Variants in RAP1A observed in about 807,000 individuals in gnomAD.
RAP1A encodes the protein RAP1A, member of RAS oncogene family, also known as ras-related protein Rap-1A.
A neutral mutation model predicts 26.4 loss-of-function variants in RAP1A; 6 were observed. The ratio of observed to expected loss-of-function variants is 0.23; its 90% CI spans 0.12 to 0.45. RAP1A has a LOEUF of 0.45. RAP1A is among the 20% of genes least tolerant of loss of function. The probability of loss-of-function intolerance (pLI) is 0.99; values close to 1 mark genes in which losing one functional copy is unlikely to be tolerated. For synonymous variants in RAP1A, 73 were observed against 79.4 expected (o/e 0.92, Z 0.43); for missense variants, 121 against 217.2 (o/e 0.56, Z 2.78).
In RAP1A at chr1:111,716,626, T is replaced by C. The variant is rs375221628; in HGVS notation, c.*4225T>C. The C allele has an allele frequency of 5.3e-5, 8 of 152,344 alleles. 1 individual carries two copies. In the East Asian group the frequency reaches 1.2e-3, roughly 22 times the overall value. 9.4% of individuals were successfully genotyped at this position (152,344 alleles called of 1,614,324 possible). A position where few individuals can be genotyped will look rare whatever the true frequency, so the allele number is the denominator to read the frequency against. On this transcript the variant is annotated 3_prime_UTR_variant, in exon 8 of 8. Transcript: ENST00000369709. ...ACATACATTTCCCACTAATTGCTTCTCTCAAGAAGCAAGAGATTGGCTGTT... is the reference window on the plus strand; with the variant it reads ...ACATACATTTCCCACTAATTGCTTCCCTCAAGAAGCAAGAGATTGGCTGTT...
At chr1:111,568,623 G>GTAGCCTAATA (rs1553209503) in intron 1 of RAP1A, among the ~76,000 whole-genome samples, 2 of 152,118 alleles carry the variant, frequency 1.3e-5, no homozygotes, top group African/African-American at 4.8e-5. Context: ...CATTAGGGAG[G>GTAGCCTAATA]TAGCCTAATA....
chr1:111,613,403 G>A (rs1285989971), intron 1 of RAP1A, among the ~76,000 whole-genome samples: 1 of 152,098 alleles, frequency 6.6e-6, no homozygotes, highest in Non-Finnish European at 1.5e-5. Context: ...GTTTCACCGT[G>A]TTAGCTAGGA....
chr1:111,662,314 G>A (rs1458121753), intron 1 of RAP1A, among the ~76,000 whole-genome samples: 1 of 149,852 alleles, frequency 6.7e-6, no homozygotes, highest in African/African-American at 2.5e-5. Flanking sequence ...AGAATGGCGT[G>A]AATCCGGGAG....
At chr1:111,586,217 A>T (rs577610346) in intron 1 of RAP1A, among the ~76,000 whole-genome samples, 1 of 152,224 alleles carries the variant, frequency 6.6e-6, no homozygotes, top group Non-Finnish European at 1.5e-5. Context: ...AATTTAAACA[A>T]CAAGTAAGCT....
intron 1 of RAP1A, among the ~76,000 whole-genome samples, chr1:111,548,852 T>C (rs1193466225): frequency 6.6e-6 from 1 of 152,246 alleles, no homozygotes; most frequent in African/African-American, 2.4e-5. Flanking sequence ...TGTTCTTGCT[T>C]CAATTTTAAC....
intron 1 of RAP1A, among the ~76,000 whole-genome samples, chr1:111,559,085 G>T (rs1224945718): frequency 6.6e-6 from 1 of 152,026 alleles, no homozygotes; most frequent in African/African-American, 2.4e-5. Flanking sequence ...TAAAAAACAT[G>T]TATTTAAACT....
At chr1:111,698,712 T>C (rs749200535) in intron 4 of RAP1A, among the ~76,000 whole-genome samples, 6 of 152,192 alleles carry the variant, frequency 3.9e-5, no homozygotes, top group Non-Finnish European at 7.3e-5. Context: ...TAGTACTAAT[T>C]ATACTGTATT....
chr1:111,594,646 G>A (rs1571488201), intron 1 of RAP1A, among the ~76,000 whole-genome samples: 1 of 151,694 alleles, frequency 6.6e-6, no homozygotes, highest in East Asian at 1.9e-4. Flanking sequence ...CAAAGACCGA[G>A]ACCAAAGACT....
chr1:111,651,524 T>C (rs1288073587), intron 1 of RAP1A, among the ~76,000 whole-genome samples: 3 of 148,944 alleles, frequency 2.0e-5, no homozygotes, highest in Admixed American at 1.4e-4. Context: ...TTACCCAGGC[T>C]ATAGTGCAGT....
chr1:111,581,406 T>C (rs1466689329), intron 1 of RAP1A, among the ~76,000 whole-genome samples: 1 of 152,134 alleles, frequency 6.6e-6, no homozygotes, highest in Non-Finnish European at 1.5e-5. Context: ...GTAGAGGAGT[T>C]GTTACCAGCA....
At position 111,568,301 on chromosome 1, in the gene RAP1A, C is replaced by T. The variant is rs188222650; in HGVS notation, c.-28+25792C>T. Among the ~76,000 whole-genome samples the T allele has an allele frequency of 5.9e-5, 9 of 152,280 alleles. No homozygotes were observed. The East Asian group carries it at 1.7e-3, about 29-fold the overall frequency. ...CATCTCTACTCAGCTTCTAGTGAGG[C>T]CTCAGGGAGCTTTTGTTCATGGTGC... On this transcript the variant is annotated intron_variant, in intron 1 of 7. Transcript: ENST00000356415.
chr1:111,543,049 T>A (rs1451748228), intron 1 of RAP1A, among the ~76,000 whole-genome samples: 1 of 152,216 alleles, frequency 6.6e-6, no homozygotes. Context: ...AGTCTATTTG[T>A]AGATTCTCCC....
chr1:111,553,013 A>C (rs577668606), intron 1 of RAP1A, among the ~76,000 whole-genome samples: 77 of 152,334 alleles, frequency 5.1e-4, no homozygotes, highest in African/African-American at 1.8e-3. Flanking sequence ...TAAGAGCTCC[A>C]CTTTTGTGGA....
chr1:111,662,792 A>G (rs1660680795), intron 1 of RAP1A, among the ~76,000 whole-genome samples: 2 of 152,246 alleles, frequency 1.3e-5, no homozygotes, highest in African/African-American at 4.8e-5. Context: ...ATCTTAGTCC[A>G]GCTTTGTTGT....
At chr1:111,647,547 CG>C (rs1255578946) in intron 1 of RAP1A, among the ~76,000 whole-genome samples, 2 of 152,104 alleles carry the variant, frequency 1.3e-5, no homozygotes, top group Non-Finnish European at 2.9e-5. Flanking sequence ...TGTAGATAAA[CG>C]TAACAGATAT....
chr1:111,567,970 C>T (rs1463268793), intron 1 of RAP1A, among the ~76,000 whole-genome samples: 4 of 152,200 alleles, frequency 2.6e-5, no homozygotes, highest in Non-Finnish European at 5.9e-5. Flanking sequence ...TTTAGACAAA[C>T]ATGGTCCATT....
intron 1 of RAP1A, among the ~76,000 whole-genome samples, chr1:111,614,653 T>C (rs950416414): frequency 6.6e-6 from 1 of 152,198 alleles, no homozygotes; most frequent in Non-Finnish European, 1.5e-5. Context: ...AACTTCATGT[T>C]AGAAAAGTTG....
intron 1 of RAP1A, among the ~76,000 whole-genome samples, chr1:111,562,746 G>A (rs1362973048): frequency 1.3e-5 from 2 of 152,196 alleles, no homozygotes; most frequent in East Asian, 3.8e-4. Context: ...TGGATCAGGA[G>A]GCCATACACC....
At chr1:111,585,792 GAC>G (rs954721254) in intron 1 of RAP1A, among the ~76,000 whole-genome samples, 5 of 152,090 alleles carry the variant, frequency 3.3e-5, no homozygotes, top group African/African-American at 1.2e-4. Context: ...TCTACACTAA[GAC>G]ACATTTAATT....
Sources: allele counts gnomAD v4.1 joint callset (sites outside exome capture counted in the v4.1 genomes callset), GRCh38; gene constraint gnomAD v4.1.1; transcripts MANE v1.5; gene names NCBI Gene and HGNC (gene_info 2026-07-23, HGNC 2026-07-21).